CRIM1: variants seen among roughly 807,000 people sequenced by gnomAD.
CRIM1 encodes cysteine rich transmembrane BMP regulator 1.
Under a neutral mutation model 116.4 loss-of-function variants are expected in CRIM1, and 32 were observed. That is an observed-to-expected ratio of 0.27 (90% confidence interval 0.21 to 0.37). CRIM1 has a LOEUF of 0.37. Among genes scored for constraint, CRIM1 ranks in the 10% least tolerant of loss-of-function variants. The probability of loss-of-function intolerance (pLI) is 1.00; values close to 1 mark genes in which losing one functional copy is unlikely to be tolerated. For missense variants in CRIM1, 1,331 were observed against 1,354.8 expected (o/e 0.98, Z 0.28); for synonymous variants, 590 against 509.2 (o/e 1.16, Z -2.13).
intron 11 of CRIM1, 90 bp downstream of exon 11, chr2:36,513,855 G>C (rs1664860746): frequency 2.5e-6 from 3 of 1,184,576 alleles, no homozygotes; most frequent in Non-Finnish European, 3.7e-6. Flanking sequence ...GGGGAGGTTG[G>C]AGGGGACAAC....
At chr2:36,493,631 A>G (rs956142725) in intron 7 of CRIM1, among the ~76,000 whole-genome samples, 1 of 152,248 alleles carries the variant, frequency 6.6e-6, no homozygotes, top group Non-Finnish European at 1.5e-5. Flanking sequence ...CTAATCAGAA[A>G]GAGTGCTTCA....
chr2:36,548,463 T>G, intron 16 of CRIM1, 62 bp from the exon 17 acceptor site: 1 of 1,295,110 alleles, frequency 7.7e-7, no homozygotes, highest in East Asian at 2.4e-5. Context: ...AAATTTCTGT[T>G]CATTTGAGAT....
At chr2:36,425,100 A>G (rs1674353287) in intron 2 of CRIM1, among the ~76,000 whole-genome samples, 1 of 152,126 alleles carries the variant, frequency 6.6e-6, no homozygotes, top group African/African-American at 2.4e-5. Flanking sequence ...CATGCTAGCT[A>G]ATGTTCCTCT....
intron 11 of CRIM1, 28 bp downstream of exon 11, chr2:36,513,793 C>T (rs766950322): frequency 6.2e-7 from 1 of 1,600,476 alleles, no homozygotes; most frequent in Non-Finnish European, 8.5e-7. Flanking sequence ...TCTGTGTGCT[C>T]CATAAGCAAA....
In CRIM1 at chr2:36,356,201, C is replaced by T; in HGVS notation, c.-92C>T. On this transcript the variant is annotated 5_prime_UTR_variant, in exon 1 of 17. Coordinates refer to ENST00000280527, the MANE Select transcript of CRIM1 (RefSeq NM_016441.3). The surrounding 1 kb of genome is among the most constrained non-coding windows in gnomAD (Gnocchi z 4.3). ...CGGTGAGGACCGCGGGCTGCTGGTG[C>T]GGCGGCGGCGGCGCGTGTGCCCCGC... The T allele has an allele frequency of 1.0e-5, 5 of 487,640 alleles. No homozygotes were observed. The highest frequency in any genetic ancestry group is 1.5e-5 in the Non-Finnish European group (5 of 333,022). 30.2% of individuals were successfully genotyped at this position (487,640 alleles called of 1,614,324 possible).
intron 1 of CRIM1, among the ~76,000 whole-genome samples, chr2:36,372,905 A>G (rs886441651): frequency 1.3e-5 from 2 of 152,190 alleles, no homozygotes; most frequent in African/African-American, 4.8e-5. Context: ...AACAGTGGCA[A>G]TGAACAGTGA....
chr2:36,495,483 T>A (rs56067617), intron 7 of CRIM1, among the ~76,000 whole-genome samples: 48,789 of 132,542 alleles, frequency 0.37, 8,235 homozygotes, highest in East Asian at 0.5. Flanking sequence ...TTATTTTTTT[T>A]TTTTTTTTTT....
intron 7 of CRIM1, among the ~76,000 whole-genome samples, chr2:36,487,625 T>TAAA (rs147294499): frequency 0.014 from 2,079 of 150,980 alleles, 54 homozygotes; most frequent in African/African-American, 0.048. Context: ...AAAGTGACAG[T>TAAA]AAAATAAAGG....
chr2:36,395,617 G>A (rs1671966136), intron 1 of CRIM1, among the ~76,000 whole-genome samples: 1 of 152,326 alleles, frequency 6.6e-6, no homozygotes, highest in Non-Finnish European at 1.5e-5. Flanking sequence ...TGAGTCCCAT[G>A]ATAGCTCTTT....
intron 1 of CRIM1, among the ~76,000 whole-genome samples, chr2:36,366,737 C>G (rs1416986989): frequency 6.6e-6 from 1 of 152,198 alleles, no homozygotes; most frequent in Non-Finnish European, 1.5e-5. Flanking sequence ...GCTTCTTATC[C>G]AAAGGCCACA....
In CRIM1 at chr2:36,373,811, A is replaced by C. The variant is rs1167549476; in HGVS notation, c.331+17188A>C. ...GTGTACAACATACACCCATGCAAAA[A>C]TTGCTCACAGGGTCATGTGCGTGTC... On this transcript the variant is annotated intron_variant, in intron 1 of 16. Coordinates refer to ENST00000280527, the MANE Select transcript of CRIM1 (RefSeq NM_016441.3). Among the ~76,000 whole-genome samples the C allele has an allele frequency of 3.9e-5, 6 of 152,276 alleles. No homozygotes were observed. The East Asian group carries it at 9.7e-4, about 25-fold the overall frequency.
chr2:36,454,590 GT>G (rs1173910589), intron 4 of CRIM1, among the ~76,000 whole-genome samples: 2 of 152,168 alleles, frequency 1.3e-5, no homozygotes, highest in African/African-American at 2.4e-5. Flanking sequence ...TTGAATCACA[GT>G]TTGCAGTTAG....
chr2:36,444,817 C>T (rs1431239248), intron 4 of CRIM1, among the ~76,000 whole-genome samples: 2 of 152,300 alleles, frequency 1.3e-5, no homozygotes, highest in South Asian at 2.1e-4. Flanking sequence ...TACCTCTTCC[C>T]GGACTCCCTT....
chr2:36,386,532 A>G (rs1055319863), intron 1 of CRIM1, among the ~76,000 whole-genome samples: 10 of 152,222 alleles, frequency 6.6e-5, no homozygotes, highest in Non-Finnish European at 1.0e-4. Flanking sequence ...TTCCAGAAAA[A>G]GTTTGCTGCT....
chr2:36,524,094 C>G (rs905033742), intron 13 of CRIM1, among the ~76,000 whole-genome samples: 1 of 152,140 alleles, frequency 6.6e-6, no homozygotes, highest in Non-Finnish European at 1.5e-5. Context: ...AACCACGATG[C>G]TTTTGAGAGT....
intron 8 of CRIM1, among the ~76,000 whole-genome samples, chr2:36,503,436 G>T (rs1681145117): frequency 1.3e-5 from 2 of 148,916 alleles, no homozygotes; most frequent in South Asian, 4.4e-4. Context: ...GCTAACTCTG[G>T]CTGGCATATG....
Position 36,536,706 on chromosome 2 carries a change from G to C in CRIM1, c.2429-646G>C, listed in dbSNP as rs1028563287. On this transcript the variant is annotated intron_variant, in intron 13 of 16. Coordinates refer to ENST00000280527, the MANE Select transcript of CRIM1 (RefSeq NM_016441.3). Reference sequence around the variant, plus strand: ...AGAGGGAGGAAATGAGTGTGACAAGGGACCATGGGAAGAAGGAGCAGAATG... The same window carrying C: ...AGAGGGAGGAAATGAGTGTGACAAGCGACCATGGGAAGAAGGAGCAGAATG... Among the ~76,000 whole-genome samples, 4 of 152,222 alleles carry C rather than the reference G, an allele frequency of 2.6e-5. No individual in the cohort carries two copies. The East Asian group carries it at 7.7e-4, about 29-fold the overall frequency.
chr2:36,437,014 A>G (rs1208698830), intron 2 of CRIM1, among the ~76,000 whole-genome samples: 1 of 152,254 alleles, frequency 6.6e-6, no homozygotes, highest in East Asian at 1.9e-4. Context: ...TTGTTTGTAT[A>G]ATAACTCTTT....
intron 13 of CRIM1, among the ~76,000 whole-genome samples, chr2:36,524,317 T>C (rs532319716): frequency 2.0e-5 from 3 of 152,300 alleles, no homozygotes; most frequent in Admixed American, 1.3e-4. Flanking sequence ...TGACCAAAAT[T>C]CACGCAACAA....
Sources: allele counts gnomAD v4.1 joint callset (sites outside exome capture counted in the v4.1 genomes callset), GRCh38; gene constraint gnomAD v4.1.1; non-coding constraint Gnocchi (gnomAD v3.1); transcripts MANE v1.5; gene names NCBI Gene and HGNC (gene_info 2026-07-23, HGNC 2026-07-21).